KLHL6: variants seen among roughly 807,000 people sequenced by gnomAD.
KLHL6 encodes the protein kelch-like protein 6.
A neutral mutation model predicts 58.6 loss-of-function variants in KLHL6; 41 were observed. That is an observed-to-expected ratio of 0.70 (90% CI 0.55 to 0.91). The LOEUF (loss-of-function observed/expected upper bound fraction) is 0.91, where lower values mean the gene tolerates loss of function less well. KLHL6 is among the 40% of genes least tolerant of loss of function. The pLI, the probability that KLHL6 is intolerant of heterozygous loss-of-function variation, is 0.00. For synonymous variants in KLHL6, 338 were observed against 322.7 expected, an observed-to-expected ratio of 1.05 and a Z score of -0.51; for missense variants, 714 against 805.6, an observed-to-expected ratio of 0.89 and a Z score of 1.38.
chr3:183,507,779 C>T (rs540760802), intron 3 of KLHL6, among the ~76,000 whole-genome samples: 1 of 152,210 alleles, frequency 6.6e-6, no homozygotes, highest in South Asian at 2.1e-4. Flanking sequence ...CCCAACCTCC[C>T]ACCCTTCCAC....
chr3:183,541,631 C>T (rs1015464892), intron 1 of KLHL6, among the ~76,000 whole-genome samples: 6 of 152,034 alleles, frequency 3.9e-5, no homozygotes, highest in Non-Finnish European at 5.9e-5. Context: ...CTTGGGGCCA[C>T]GAGTTCAAGT....
At position 183,555,648 on chromosome 3, in the gene KLHL6, C is replaced by T; in HGVS notation, c.6G>A (p.Leu2=). 1 of 1,588,706 alleles carries T rather than the reference C, an allele frequency of 6.3e-7. No individual in the cohort carries two copies. The highest frequency in any genetic ancestry group is 8.6e-7 in the Non-Finnish European group (1 of 1,169,140). ...TCCAGGCGCCCCTTTGTCCTGCCAT[C>T]AACATCGAGACTGAAGGAGCGCCCA... The part of the protein sequence containing the change: M[L]MAGQRGAWTM... Residue 2 remains leucine (L), a synonymous_variant, in exon 1 of 7, where the codon TTG becomes TTA. Coordinates refer to ENST00000341319, the MANE Select transcript of KLHL6 (RefSeq NM_130446.4).
At chr3:183,526,351 G>A (rs1711967462) in intron 2 of KLHL6, among the ~76,000 whole-genome samples, 1 of 152,090 alleles carries the variant, frequency 6.6e-6, no homozygotes, top group Non-Finnish European at 1.5e-5. Flanking sequence ...AAACCACAAA[G>A]TTATTTCAAC....
At chr3:183,527,775 G>C (rs1047148975) in intron 2 of KLHL6, 70 bp downstream of exon 2, 3 of 1,440,192 alleles carry the variant, frequency 2.1e-6, no homozygotes, top group Non-Finnish European at 2.9e-6. Flanking sequence ...GCTAGACCAG[G>C]TCTGGCCTCT....
At position 183,489,627 on chromosome 3, in the gene KLHL6, T is replaced by C. The variant is rs1482480129; in HGVS notation, c.*2300A>G. ...ATTGCTTCAGTTGGGAGCTTCCTGATGGTTATTATAGTGCTCATGAGTCAG... is the reference window on the plus strand; with the variant it reads ...ATTGCTTCAGTTGGGAGCTTCCTGACGGTTATTATAGTGCTCATGAGTCAG... On this transcript the variant is annotated 3_prime_UTR_variant, in exon 7 of 7. Coordinates refer to ENST00000341319, the MANE Select transcript of KLHL6 (RefSeq NM_130446.4). The C allele has an allele frequency of 1.3e-5, 2 of 152,206 alleles. No homozygotes were observed. Among genetic ancestry groups the C allele is most frequent in the Non-Finnish European group, 2.9e-5 (2 of 68,036 alleles). 9.4% of individuals were successfully genotyped at this position (152,206 alleles called of 1,614,324 possible). A position where few individuals can be genotyped will look rare whatever the true frequency, so the allele number is the denominator to read the frequency against.
intron 3 of KLHL6, among the ~76,000 whole-genome samples, chr3:183,502,903 G>A (rs556936078): frequency 6.6e-6 from 1 of 152,326 alleles, no homozygotes; most frequent in East Asian, 1.9e-4. Context: ...TCATCTAGCT[G>A]ATGGGCTTGG....
In KLHL6 at chr3:183,490,784, G is replaced by A. The variant is rs1442981025; in HGVS notation, c.*1143C>T. 2.8e-5 allele frequency: 4 copies of A among 141,148 alleles called. No individual in the cohort carries two copies. The highest frequency in any genetic ancestry group is 4.5e-5 in the Non-Finnish European group (3 of 66,566). The allele number at this position is 141,148 out of a possible 1,614,324, so 8.7% of individuals were successfully genotyped here. ...CATGCCACTGCACTCCAGCCTGGGC[G>A]ACTTCATCTCAAAAAAAAAAAAAAG... On this transcript the variant is annotated 3_prime_UTR_variant, in exon 7 of 7. Coordinates refer to ENST00000341319, the MANE Select transcript of KLHL6 (RefSeq NM_130446.4).
At chr3:183,525,022 T>G (rs924629649) in intron 2 of KLHL6, among the ~76,000 whole-genome samples, 1 of 152,178 alleles carries the variant, frequency 6.6e-6, no homozygotes, top group Non-Finnish European at 1.5e-5. Context: ...TCCCAGCACT[T>G]TGGGAGGCCA....
Position 183,492,105 on chromosome 3 carries a change from G to T in KLHL6, c.1688C>A (p.Thr563Asn). 1.2e-6 allele frequency: 2 copies of T among 1,613,922 alleles called. No homozygotes were observed. The highest frequency in any genetic ancestry group is 1.7e-6 in the Non-Finnish European group (2 of 1,180,022). Reference sequence around the variant, plus strand: ...CTCGTTCTTCTCGTCCCGCCCGCCGGTGATGTAGAGCCGGTTGTTGCAGGG... The same window carrying T: ...CTCGTTCTTCTCGTCCCGCCCGCCGTTGATGTAGAGCCGGTTGTTGCAGGG... ...IAPCNNRLYI[T>N]GGRDEKNEVI... is the part of the protein sequence containing the mutation. Residue 563 changes from threonine (T) to asparagine (N), a missense_variant, in exon 7 of 7, where the codon ACC becomes AAC. Physicochemically the swap from Thr to Asn is moderately conservative, Grantham distance 65. Coordinates refer to ENST00000341319, the MANE Select transcript of KLHL6 (RefSeq NM_130446.4). This position sits in a 1 kb window ranked among gnomAD's most constrained non-coding sequence, Gnocchi z 5.9.
At chr3:183,524,319 C>T (rs1711874171) in intron 2 of KLHL6, among the ~76,000 whole-genome samples, 1 of 152,160 alleles carries the variant, frequency 6.6e-6, no homozygotes, top group Non-Finnish European at 1.5e-5. Flanking sequence ...AAAGATCCCA[C>T]CGCATGTGAG....
intron 1 of KLHL6, among the ~76,000 whole-genome samples, chr3:183,552,862 C>T (rs1384749090): frequency 6.6e-6 from 1 of 151,992 alleles, no homozygotes; most frequent in Non-Finnish European, 1.5e-5. Flanking sequence ...AGTCCTAGGT[C>T]TAAATCCCAG....
chr3:183,492,080 C>G lies in KLHL6; in HGVS notation c.1713G>C (p.Glu571Asp). ...CCCAGCACAGCACCGTGGCGATAAC[C>G]TCGTTCTTCTCGTCCCGCCCGCCGG... is the stretch of plus-strand genomic sequence containing the variant. ...YITGGRDEKN[E>D]VIATVLCWDP... Residue 571 changes from glutamate (E) to aspartate (D), a missense_variant, in exon 7 of 7, where the codon GAG becomes GAC. Glu to Asp is a conservative substitution (Grantham distance 45, BLOSUM62 2). Around this residue, in one of 2 missense-constraint regions of KLHL6, gnomAD observed 510 missense variants for 629.7 expected, o/e 0.81. Coordinates refer to ENST00000341319, the MANE Select transcript of KLHL6 (RefSeq NM_130446.4). The surrounding 1 kb of genome is among the most constrained non-coding windows in gnomAD (Gnocchi z 5.9). The G allele has an allele frequency of 6.2e-7, 1 of 1,613,914 alleles. No individual in the cohort carries two copies. The highest frequency in any genetic ancestry group is 1.7e-5 in the Admixed American group (1 of 60,030).
intron 1 of KLHL6, among the ~76,000 whole-genome samples, chr3:183,550,574 C>T (rs1227204778): frequency 6.6e-6 from 1 of 152,048 alleles, no homozygotes; most frequent in African/African-American, 2.4e-5. Flanking sequence ...GTGGGTGGAT[C>T]ACCTGAGGTC....
intron 2 of KLHL6, among the ~76,000 whole-genome samples, chr3:183,523,791 A>C (rs977891937): frequency 3.3e-5 from 5 of 151,296 alleles, no homozygotes; most frequent in Admixed American, 2.0e-4. Flanking sequence ...ATGGAGTTTC[A>C]CTCTGTCGCC....
chr3:183,506,063 C>T (rs1438892398), intron 3 of KLHL6, among the ~76,000 whole-genome samples: 1 of 152,162 alleles, frequency 6.6e-6, no homozygotes, highest in Non-Finnish European at 1.5e-5. Flanking sequence ...CAGACAATTC[C>T]TGGGCCACGT....
chr3:183,508,470 A>G lies in KLHL6; in HGVS notation c.498T>C (p.Thr166=). Residue 166 remains threonine (T), a synonymous_variant, in exon 3 of 7, where the codon ACT becomes ACC. Coordinates refer to ENST00000341319, the MANE Select transcript of KLHL6 (RefSeq NM_130446.4). Reference sequence around the variant, plus strand: ...CGCAGTTTTCTGGGTTCAAGGCTTCAGTGAGGAAGCTGGCACAGGCATCCA... The same window carrying G: ...CGCAGTTTTCTGGGTTCAAGGCTTCGGTGAGGAAGCTGGCACAGGCATCCA... ...RMVDACASFL[T]EALNPENCVG... is the part of the protein sequence containing the mutation. 1.2e-6 allele frequency: 2 copies of G among 1,614,178 alleles called. No individual in the cohort carries two copies. Among genetic ancestry groups the G allele is most frequent in the Non-Finnish European group, 8.5e-7 (1 of 1,180,012 alleles).
In KLHL6 at chr3:183,508,407, G is replaced by A. The variant is rs1299151940; in HGVS notation, c.561C>T (p.Asp187=). Residue 187 remains aspartate (D), a synonymous_variant, in exon 3 of 7, where the codon GAC becomes GAT. Transcript: ENST00000341319. ...ILRLADTHSL[D]SLKKQVQSYI... is the part of the protein sequence containing the mutation. Reference sequence around the variant, plus strand: ...AACTCTGAACCTGCTTCTTTAGACTGTCCAGCGAGTGTGTGTCAGCCAGCC... The same window carrying A: ...AACTCTGAACCTGCTTCTTTAGACTATCCAGCGAGTGTGTGTCAGCCAGCC... The A allele has an allele frequency of 1.2e-6, 2 of 1,614,086 alleles. No homozygotes were observed. The highest frequency in any genetic ancestry group is 2.7e-5 in the African/African-American group (2 of 74,932).
chr3:183,522,120 G>A (rs1171789316), intron 2 of KLHL6, among the ~76,000 whole-genome samples: 1 of 150,906 alleles, frequency 6.6e-6, no homozygotes, highest in African/African-American at 2.4e-5. Flanking sequence ...GAGGTCAGGA[G>A]TTCGAGACCA....
At chr3:183,538,056 G>A (rs2108691280) in intron 1 of KLHL6, among the ~76,000 whole-genome samples, 1 of 152,150 alleles carries the variant, frequency 6.6e-6, no homozygotes, top group South Asian at 2.1e-4. Context: ...ACAGGAATCT[G>A]TACCTCCAAG....
Sources: gnomAD v4.1 joint callset for allele counts (sites outside exome capture counted in the v4.1 genomes callset) on GRCh38, gnomAD v4.1.1 for gene constraint, gnomAD v4.1.1 regional missense constraint, Gnocchi (gnomAD v3.1) non-coding constraint, MANE v1.5 for transcripts, NCBI Gene and HGNC (gene_info 2026-07-23, HGNC 2026-07-21) for gene names.